Variants in GRIK2 observed in about 807,000 individuals in gnomAD.
GRIK2 encodes the protein glutamate ionotropic receptor kainate type subunit 2.
GRIK2 carries 32 observed loss-of-function variants against 100.3 expected under a neutral mutation model. The observed-to-expected ratio is 0.32, with a 90% CI of 0.24 to 0.43. The LOEUF (loss-of-function observed/expected upper bound fraction) is 0.43. Among genes scored for constraint, GRIK2 ranks in the 20% least tolerant of loss-of-function variants. The probability of loss-of-function intolerance (pLI) is 1.00; values close to 1 mark genes in which losing one functional copy is unlikely to be tolerated. For missense variants in GRIK2, 843 were observed against 1,114.9 expected, an observed-to-expected ratio of 0.76 and a Z score of 3.47; for synonymous variants, 417 against 389.4, an observed-to-expected ratio of 1.07 and a Z score of -0.83.
At chr6:101,602,360 C>G (rs180848085) in intron 2 of GRIK2, among the ~76,000 whole-genome samples, 2 of 151,194 alleles carry the variant, frequency 1.3e-5, no homozygotes, top group East Asian at 3.9e-4. Flanking sequence ...TGTGTTTGGT[C>G]TTAGAGTATG....
chr6:101,789,433 A>G (rs974735642), intron 7 of GRIK2, among the ~76,000 whole-genome samples: 21 of 151,836 alleles, frequency 1.4e-4, no homozygotes, highest in African/African-American at 2.2e-4. Flanking sequence ...TGGCTAGCCA[A>G]TTTTCCCAGC....
intron 14 of GRIK2, among the ~76,000 whole-genome samples, chr6:102,012,863 A>G (rs1202405846): frequency 6.6e-6 from 1 of 152,106 alleles, no homozygotes; most frequent in Non-Finnish European, 1.5e-5. Context: ...TGAAGTCAGT[A>G]ATGTAATACC....
At chr6:102,037,509 T>C (rs1439562658) in intron 15 of GRIK2, among the ~76,000 whole-genome samples, 1 of 151,290 alleles carries the variant, frequency 6.6e-6, no homozygotes, top group African/African-American at 2.4e-5. Context: ...GCCACTGTTT[T>C]TAAATTCTCC....
At chr6:101,715,712 T>A (rs1232756111) in intron 7 of GRIK2, among the ~76,000 whole-genome samples, 1 of 151,562 alleles carries the variant, frequency 6.6e-6, no homozygotes, top group Non-Finnish European at 1.5e-5. Context: ...ATCAGCAGAG[T>A]TGCAAGTGAA....
intron 2 of GRIK2, among the ~76,000 whole-genome samples, chr6:101,581,277 T>C (rs1405253832): frequency 6.9e-6 from 1 of 144,244 alleles, no homozygotes; most frequent in Non-Finnish European, 1.5e-5. Flanking sequence ...CGTGTATACA[T>C]GTATACACAC....
At chr6:101,541,833 C>T (rs143970535) in intron 2 of GRIK2, among the ~76,000 whole-genome samples, 2 of 152,026 alleles carry the variant, frequency 1.3e-5, no homozygotes, top group East Asian at 1.9e-4. Context: ...TTTCTTATTC[C>T]CTCTTTCCTT....
chr6:101,836,431 A>T (rs1214127593), intron 10 of GRIK2, among the ~76,000 whole-genome samples: 2 of 151,828 alleles, frequency 1.3e-5, no homozygotes, highest in Admixed American at 1.3e-4. Flanking sequence ...CATGATATTT[A>T]AAAACGTAAA....
intron 2 of GRIK2, among the ~76,000 whole-genome samples, chr6:101,598,428 T>C (rs1488279140): frequency 6.6e-6 from 1 of 151,578 alleles, no homozygotes; most frequent in East Asian, 1.9e-4. Context: ...TTTGTAATCT[T>C]AGAAAACTTA....
chr6:101,994,767 T>G (rs77016233), intron 14 of GRIK2, among the ~76,000 whole-genome samples: 3,110 of 151,972 alleles, frequency 0.02, 38 homozygotes, highest in African/African-American at 0.036. Context: ...ACTTAATACA[T>G]AGCATCTTGA....
intron 10 of GRIK2, among the ~76,000 whole-genome samples, chr6:101,839,949 A>G (rs928071483): frequency 5.9e-5 from 9 of 152,132 alleles, no homozygotes; most frequent in African/African-American, 1.9e-4. Context: ...ATGTAATTCC[A>G]GAGCTCAAGA....
At chr6:102,025,594 C>A (rs943465667) in intron 14 of GRIK2, among the ~76,000 whole-genome samples, 1 of 150,794 alleles carries the variant, frequency 6.6e-6, no homozygotes. Flanking sequence ...TAGTCAAAGA[C>A]CCTCTATTAA....
chr6:102,051,270 TTCCTTCCTTCCTTCC>T (rs1562140335), intron 15 of GRIK2, among the ~76,000 whole-genome samples: 2 of 145,716 alleles, frequency 1.4e-5, no homozygotes, highest in East Asian at 4.1e-4. Context: ...CCTTCCTTCC[TTCCTTCCTTCCTTCC>T]TTCCTTCCTT....
At chr6:101,562,356 T>C (rs1281934901) in intron 2 of GRIK2, among the ~76,000 whole-genome samples, 1 of 152,146 alleles carries the variant, frequency 6.6e-6, no homozygotes, top group Non-Finnish European at 1.5e-5. Flanking sequence ...GTTTGTTTTC[T>C]GAGACGGAGT....
At chr6:101,505,075 G>A (rs1402872577) in intron 2 of GRIK2, among the ~76,000 whole-genome samples, 6 of 147,274 alleles carry the variant, frequency 4.1e-5, no homozygotes, top group Middle Eastern at 3.5e-3. Flanking sequence ...TTTTTTTGTC[G>A]TTTTTTTACT....
chr6:101,655,974 C>T (rs984694406), intron 4 of GRIK2, among the ~76,000 whole-genome samples: 2 of 151,902 alleles, frequency 1.3e-5, no homozygotes, highest in South Asian at 2.1e-4. Context: ...AGTTGATTTA[C>T]GGGAAAGTGG....
intron 2 of GRIK2, among the ~76,000 whole-genome samples, chr6:101,506,315 C>A (rs1774024927): frequency 6.6e-6 from 1 of 152,058 alleles, no homozygotes; most frequent in Non-Finnish European, 1.5e-5. Flanking sequence ...TTTGAAAAAT[C>A]TTAATCTCAT....
At chr6:101,481,674 A>C (rs1270064660) in intron 2 of GRIK2, among the ~76,000 whole-genome samples, 1 of 152,174 alleles carries the variant, frequency 6.6e-6, no homozygotes, top group African/African-American at 2.4e-5. Flanking sequence ...TACAGTAACC[A>C]AGATTAACCT....
At chr6:101,420,388 CAT>C (rs1776355085) in intron 2 of GRIK2, among the ~76,000 whole-genome samples, 1 of 152,146 alleles carries the variant, frequency 6.6e-6, no homozygotes, top group Admixed American at 6.6e-5. Flanking sequence ...AACTCATAAA[CAT>C]ATGAGGTTGA....
chr6:101,606,607 G>T (rs1779447738), intron 2 of GRIK2, among the ~76,000 whole-genome samples: 1 of 151,974 alleles, frequency 6.6e-6, no homozygotes, highest in African/African-American at 2.4e-5. Flanking sequence ...TAGAACCCCA[G>T]ACTCTGAGCC....
Sources: gnomAD v4.1 joint callset for allele counts (sites outside exome capture counted in the v4.1 genomes callset) on GRCh38, gnomAD v4.1.1 for gene constraint, MANE v1.5 for transcripts, NCBI Gene and HGNC (gene_info 2026-07-23, HGNC 2026-07-21) for gene names.